The following ARAP2 variants were observed in gnomAD, a reference collection of about 807,000 sequenced individuals.
The protein encoded by ARAP2 is arf-GAP with Rho-GAP domain, ANK repeat and PH domain-containing protein 2.
In ARAP2, 148 loss-of-function variants were observed where a neutral mutation model predicts 194.5. That is an observed-to-expected ratio of 0.76 (90% CI 0.67 to 0.87). ARAP2 has a LOEUF of 0.87. Ranked by LOEUF, ARAP2 falls within the 40% of genes least tolerant of loss-of-function variation. The pLI, the probability that ARAP2 is intolerant of heterozygous loss-of-function variation, is 0.00. For synonymous variants in ARAP2, 695 were observed against 683.5 expected (o/e 1.02, Z -0.26); for missense variants, 2,128 against 1,989.7 (o/e 1.07, Z -1.32).
chr4:36,151,071 C>T, intron 15 of ARAP2, 27 bp from the exon 16 acceptor site: 2 of 1,565,816 alleles, frequency 1.3e-6, no homozygotes, highest in Non-Finnish European at 1.7e-6. Flanking sequence ...AAACAAATAA[C>T]AAATTGAGCT....
rs1209910845 is a variant in ARAP2 at position 36,133,249 on chromosome 4, C to G, written c.3404G>C (p.Cys1135Ser). 6.2e-7 allele frequency: 1 copy of G among 1,610,876 alleles called. No homozygotes were observed. Among genetic ancestry groups the G allele is most frequent in the Non-Finnish European group, 8.5e-7 (1 of 1,178,026 alleles). Residue 1135 changes from cysteine to serine, a missense_variant, in exon 20 of 33, where the codon TGT becomes TCT. Coordinates refer to ENST00000303965, the MANE Select transcript of ARAP2 (RefSeq NM_015230.4). ...KNDVPIIVNSCIAFVTQYGLG... is the reference protein window; with the variant it reads ...KNDVPIIVNSSIAFVTQYGLG... Reference sequence around the variant, plus strand: ...ACCATACTGTGTAACAAATGCTATACAGCTGTTCACTATAATGGGAACGTC... The same window carrying G: ...ACCATACTGTGTAACAAATGCTATAGAGCTGTTCACTATAATGGGAACGTC...
intron 6 of ARAP2, among the ~76,000 whole-genome samples, chr4:36,206,566 C>T (rs961560490): frequency 6.6e-5 from 10 of 152,164 alleles, no homozygotes; most frequent in African/African-American, 2.4e-4. Flanking sequence ...CAACTGCTAC[C>T]CTCTCCTTCC....
intron 27 of ARAP2, among the ~76,000 whole-genome samples, chr4:36,106,481 A>G (rs1577905249): frequency 1.3e-5 from 1 of 77,002 alleles, no homozygotes; most frequent in Admixed American, 1.6e-4. Context: ...TAAGATATAA[A>G]AGACAGTGTA....
chr4:36,192,105 T>C (rs1742033541), intron 7 of ARAP2, among the ~76,000 whole-genome samples: 1 of 151,594 alleles, frequency 6.6e-6, no homozygotes, highest in South Asian at 2.1e-4. Context: ...TGCATCCCTT[T>C]TGCTAGAAGA....
intron 6 of ARAP2, among the ~76,000 whole-genome samples, chr4:36,195,871 T>A (rs1365384537): frequency 6.6e-6 from 1 of 152,234 alleles, no homozygotes; most frequent in Non-Finnish European, 1.5e-5. Flanking sequence ...CCAGGTCTTA[T>A]GCTTTACAAG....
intron 31 of ARAP2, among the ~76,000 whole-genome samples, chr4:36,079,260 C>T (rs918742190): frequency 1.3e-5 from 2 of 151,586 alleles, no homozygotes; most frequent in South Asian, 4.2e-4. Context: ...AAGTTAGCAG[C>T]CAGTCTCTTG....
rs779133242 is a variant in ARAP2 at position 36,165,031 on chromosome 4, C to T, written c.2056G>A (p.Glu686Lys). The T allele has an allele frequency of 1.9e-6, 3 of 1,614,092 alleles. No individual in the cohort carries two copies. In the South Asian group the frequency reaches 3.3e-5, roughly 18 times the overall value. ...TTGAACCAAATCTTCTCAGCTACTT[C>T]ATAATCAGAGAGAGTTTCTGCTATT... ...QSIAETLSDY[E>K]VAEKIWFNES... Residue 686 changes from glutamate (E) to lysine (K), a missense_variant, in exon 11 of 33, where the codon GAA becomes AAA. By Grantham distance (56) the Glu-to-Lys change is moderately conservative. Coordinates refer to ENST00000303965, the MANE Select transcript of ARAP2 (RefSeq NM_015230.4).
At chr4:36,221,793 T>C (rs1749228257) in intron 2 of ARAP2, among the ~76,000 whole-genome samples, 1 of 152,144 alleles carries the variant, frequency 6.6e-6, no homozygotes, top group East Asian at 1.9e-4. Context: ...TATCTATTAA[T>C]AAATTATCAC....
At chr4:36,093,780 G>C (rs939995803) in intron 27 of ARAP2, among the ~76,000 whole-genome samples, 1 of 152,050 alleles carries the variant, frequency 6.6e-6, no homozygotes, top group Non-Finnish European at 1.5e-5. Flanking sequence ...TCCTCCTTCC[G>C]TTTGGAGTCC....
intron 28 of ARAP2, among the ~76,000 whole-genome samples, chr4:36,091,248 A>G (rs1166727167): frequency 1.3e-5 from 2 of 152,298 alleles, no homozygotes; most frequent in East Asian, 3.9e-4. Flanking sequence ...TAAGTTACTT[A>G]TTCATGTAAC....
In ARAP2 at chr4:36,128,609, C is replaced by T. The variant is rs144887229; in HGVS notation, c.3564G>A (p.Val1188=). ...CAATGTCAGAGAGAAAACTTTTCAA[C>T]ACAGCCGTCACATCTTCAAGCTGAT... ...GKHQLEDVTA[V]LKSFLSDIDD... is the part of the protein sequence containing the mutation. Residue 1188 remains valine, a synonymous_variant, in exon 21 of 33, where the codon GTG becomes GTA. Coordinates refer to ENST00000303965, the MANE Select transcript of ARAP2 (RefSeq NM_015230.4). The T allele has an allele frequency of 1.4e-4, 224 of 1,613,014 alleles. No homozygotes were observed. The African/African-American group carries it at 2.5e-3, about 18-fold the overall frequency.
intron 5 of ARAP2, among the ~76,000 whole-genome samples, chr4:36,036,048 T>C (rs1719867154): frequency 6.6e-6 from 1 of 152,182 alleles, no homozygotes; most frequent in Admixed American, 6.6e-5. Context: ...AAAATAGGTC[T>C]TGCTGTCTTG....
intron 19 of ARAP2, among the ~76,000 whole-genome samples, chr4:36,141,601 G>A (rs1560517114): frequency 2.0e-5 from 3 of 151,482 alleles, no homozygotes; most frequent in African/African-American, 7.3e-5. Context: ...CAGTTTAGGG[G>A]GTTCTTTCTC....
Position 36,229,524 on chromosome 4 carries a change from G to A in ARAP2, c.-38C>T. On this transcript the variant is annotated 5_prime_UTR_variant, in exon 2 of 33. Transcript: ENST00000303965. ...ATTACTAAGCTGAGTTACAAAAAGT[G>A]GCACGATGAGACACACACACAAGAA... 1 of 1,502,222 alleles carries A rather than the reference G, an allele frequency of 6.7e-7. No individual in the cohort carries two copies. Among genetic ancestry groups the A allele is most frequent in the Non-Finnish European group, 9.0e-7 (1 of 1,105,456 alleles). 93.1% of individuals were successfully genotyped at this position (1,502,222 alleles called of 1,614,324 possible).
intron 1 of ARAP2, among the ~76,000 whole-genome samples, chr4:36,060,042 T>A (rs1050736123): frequency 7.3e-5 from 11 of 151,394 alleles, no homozygotes; most frequent in African/African-American, 2.7e-4. Context: ...GAAGATGAGA[T>A]CCTCCCCAGT....
At chr4:36,159,580 A>T in intron 13 of ARAP2, 75 bp from the exon 14 acceptor site, 1 of 1,254,262 alleles carries the variant, frequency 8.0e-7, no homozygotes, top group Non-Finnish European at 1.1e-6. Flanking sequence ...TGAAAGTCTG[A>T]TAATTTCATG....
intron 26 of ARAP2, among the ~76,000 whole-genome samples, chr4:36,110,926 T>TC (rs1443297056): frequency 6.6e-6 from 1 of 151,966 alleles, no homozygotes; most frequent in African/African-American, 2.4e-5. Context: ...TATAGGAGTT[T>TC]CCCAGCATTT....
Position 36,097,735 on chromosome 4 carries a change from A to G in ARAP2, c.4286-5715T>C, listed in dbSNP as rs186655028. ...GATGCACATTAACAGGTACTATTTC[A>G]TTTACTACCTTTTGATCTTTCATTC... On this transcript the variant is annotated intron_variant, in intron 27 of 32. Coordinates refer to ENST00000303965, the MANE Select transcript of ARAP2 (RefSeq NM_015230.4). 2.4e-3 allele frequency among the ~76,000 whole-genome samples: 367 copies of G among 152,194 alleles called. 3 individuals are homozygous for G. The highest frequency in any genetic ancestry group is 5.0e-3 in the South Asian group (24 of 4,828).
At chr4:36,048,761 T>C (rs965114868) in intron 3 of ARAP2, among the ~76,000 whole-genome samples, 1 of 152,088 alleles carries the variant, frequency 6.6e-6, no homozygotes, top group Non-Finnish European at 1.5e-5. Flanking sequence ...TACTTTTAAG[T>C]TTTTCGAGAA....
Sources: allele counts gnomAD v4.1 joint callset (sites outside exome capture counted in the v4.1 genomes callset), GRCh38; gene constraint gnomAD v4.1.1; transcripts MANE v1.5; gene names NCBI Gene and HGNC (gene_info 2026-07-23, HGNC 2026-07-21).